Variants in GNE observed in about 807,000 individuals in gnomAD.
The protein encoded by GNE is bifunctional UDP-N-acetylglucosamine 2-epimerase/N-acetylmannosamine kinase.
In GNE, 41 loss-of-function variants were observed where a neutral mutation model predicts 61.8. The observed-to-expected ratio is 0.66, with a 90% CI of 0.52 to 0.86. The LOEUF (loss-of-function observed/expected upper bound fraction) is 0.86. GNE is among the 40% of genes least tolerant of loss of function. The pLI, the probability that GNE is intolerant of heterozygous loss-of-function variation, is 0.00. For missense variants in GNE, 608 were observed against 909.1 expected (o/e 0.67, Z 4.26); for synonymous variants, 264 against 326.4 (o/e 0.81, Z 2.06).
chr9:36,254,243 C>A (rs1830237516), intron 1 of GNE, among the ~76,000 whole-genome samples: 1 of 144,834 alleles, frequency 6.9e-6, no homozygotes, highest in South Asian at 2.2e-4. Context: ...AACAAGAAAT[C>A]TGGCTGGACA....
rs1828280415 is a variant in GNE, at chr9:36,216,327, A to ATGTGTGTGTGCGTGTGTGTGTGTGTG, written c.*1037_*1038insCACACACACACACACGCACACACACA. The ATGTGTGTGTGCGTGTGTGTGTGTGTG allele has an allele frequency of 2.8e-5, 10 of 357,560 alleles. No homozygotes were observed. Among genetic ancestry groups the ATGTGTGTGTGCGTGTGTGTGTGTGTG allele is most frequent in the Non-Finnish European group, 3.5e-5 (6 of 172,490 alleles). 22.1% of individuals were successfully genotyped at this position (357,560 alleles called of 1,614,324 possible). A position where few individuals can be genotyped will look rare whatever the true frequency, so the allele number is the denominator to read the frequency against. On this transcript the variant is annotated 3_prime_UTR_variant, in exon 12 of 12. Coordinates refer to ENST00000642385, the MANE Select transcript of GNE (RefSeq NM_005476.7). ...TTAGTTTGGGGTTAGAGGAGGAAGGATGTGTGTGTGTGTGTGTGTGTGTGT... is the reference window on the plus strand; with the variant it reads ...TTAGTTTGGGGTTAGAGGAGGAAGGATGTGTGTGTGCGTGTGTGTGTGTGTGTGTGTGTGTGTGTGTGTGTGTGTGT...
At chr9:36,273,974 G>A (rs1831144351) in intron 1 of GNE, among the ~76,000 whole-genome samples, 2 of 151,986 alleles carry the variant, frequency 1.3e-5, no homozygotes, top group South Asian at 4.2e-4. Flanking sequence ...CATAATAGCT[G>A]TCTAAATCTT....
At position 36,247,701 on chromosome 9, in the gene GNE, T is replaced by A. The variant is rs188713564; in HGVS notation, c.165-1219A>T. On this transcript the variant is annotated intron_variant, in intron 2 of 11. Transcript: ENST00000642385. ...TAAAATTTCTGTTCTACTGAGAGGA[T>A]GCTCCTAAATAGCCAGAATTCATTT... is the stretch of plus-strand genomic sequence containing the variant. Among the ~76,000 whole-genome samples the A allele has an allele frequency of 5.5e-3, 843 of 152,106 alleles. 9 individuals carry two copies. Among genetic ancestry groups the A allele is most frequent in the African/African-American group, 0.019 (785 of 41,486 alleles).
intron 3 of GNE, among the ~76,000 whole-genome samples, chr9:36,240,634 T>C (rs1349833337): frequency 1.3e-5 from 2 of 152,162 alleles, no homozygotes; most frequent in African/African-American, 4.8e-5. Flanking sequence ...TGTCCTTTCC[T>C]GGTTTTGGTA....
intron 1 of GNE, among the ~76,000 whole-genome samples, chr9:36,272,842 G>A (rs1001133918): frequency 2.7e-5 from 4 of 150,918 alleles, no homozygotes; most frequent in Non-Finnish European, 3.0e-5. Context: ...AGGCCAAGGC[G>A]GGTAGATCAC....
intron 11 of GNE, 48 bp from the exon 12 acceptor site, chr9:36,217,648 C>A: frequency 8.4e-7 from 1 of 1,193,548 alleles, no homozygotes; most frequent in South Asian, 1.3e-5. Flanking sequence ...AAGCCAAAAT[C>A]AAAATACCAA....
intron 3 of GNE, among the ~76,000 whole-genome samples, chr9:36,242,251 A>T (rs1829662281): frequency 6.6e-6 from 1 of 150,784 alleles, no homozygotes; most frequent in African/African-American, 2.4e-5. Context: ...GCTCTGCCTC[A>T]TTGTCTTGAG....
At chr9:36,229,153 T>C (rs757856599) in intron 5 of GNE, 45 bp from the exon 6 acceptor site, 13 of 1,031,002 alleles carry the variant, frequency 1.3e-5, no homozygotes, top group Non-Finnish European at 2.0e-5. Context: ...GAAGTGGGAA[T>C]ATCCAAAGAA....
Position 36,231,081 on chromosome 9 carries a change from A to G in GNE, c.983-1973T>C, listed in dbSNP as rs867987899. Among the ~76,000 whole-genome samples, 426 of 140,938 alleles carry G rather than the reference A, an allele frequency of 3.0e-3. 1 individual carries two copies. Among genetic ancestry groups the G allele is most frequent in the African/African-American group, 9.9e-3 (366 of 37,046 alleles). 92.5% of individuals were successfully genotyped at this position (140,938 alleles called of 152,430 possible). The stretch of plus-strand genomic sequence containing the variant: ...ACTGCTTCACTAAAAAAAAAAAAAA[A>G]AAAGAAAGAAAGAGAGAGAGAGAAA... On this transcript the variant is annotated intron_variant, in intron 5 of 11. Coordinates refer to ENST00000642385, the MANE Select transcript of GNE (RefSeq NM_005476.7).
chr9:36,235,805 G>C (rs1020847996), intron 4 of GNE, among the ~76,000 whole-genome samples: 1 of 152,106 alleles, frequency 6.6e-6, no homozygotes, highest in Non-Finnish European at 1.5e-5. Context: ...GTGATATCTT[G>C]ACATTGCAGA....
chr9:36,257,786 G>A (rs1187238310), intron 1 of GNE, among the ~76,000 whole-genome samples: 14 of 104,204 alleles, frequency 1.3e-4, no homozygotes, highest in Non-Finnish European at 2.1e-4. Flanking sequence ...CTGGGCGACA[G>A]AGCGAGACTC....
At chr9:36,272,481 C>T (rs887070303) in intron 1 of GNE, among the ~76,000 whole-genome samples, 3 of 151,692 alleles carry the variant, frequency 2.0e-5, no homozygotes, top group East Asian at 1.9e-4. Context: ...ATTATCTGGG[C>T]GTGGTGGCGG....
intron 1 of GNE, among the ~76,000 whole-genome samples, chr9:36,256,752 A>G (rs1050632454): frequency 2.0e-5 from 3 of 152,224 alleles, no homozygotes; most frequent in African/African-American, 7.2e-5. Context: ...AGAGGAAACA[A>G]CAGTAAACAT....
chr9:36,275,003 C>A (rs568101013), intron 1 of GNE, among the ~76,000 whole-genome samples: 5 of 152,188 alleles, frequency 3.3e-5, no homozygotes, highest in Admixed American at 1.3e-4. Flanking sequence ...AGATTACAGG[C>A]GCGAGCCACC....
At chr9:36,264,152 A>C (rs1270688920) in intron 1 of GNE, among the ~76,000 whole-genome samples, 3 of 151,676 alleles carry the variant, frequency 2.0e-5, no homozygotes, top group Non-Finnish European at 4.4e-5. Context: ...TTTTTTTTGG[A>C]GACAGAGTCT....
intron 1 of GNE, among the ~76,000 whole-genome samples, chr9:36,250,834 C>T (rs1023944986): frequency 6.6e-6 from 1 of 152,218 alleles, no homozygotes; most frequent in Non-Finnish European, 1.5e-5. Context: ...GTGCCCACCA[C>T]CATGCCCAGC....
chr9:36,235,749 A>G (rs775975990), intron 4 of GNE, among the ~76,000 whole-genome samples: 27 of 152,180 alleles, frequency 1.8e-4, no homozygotes, highest in South Asian at 4.1e-4. Flanking sequence ...AACAGAAAAG[A>G]TTCTTCAAGG....
intron 1 of GNE, chr9:36,265,240 T>C (rs1830736455): frequency 8.0e-6 from 3 of 375,016 alleles, no homozygotes; most frequent in Non-Finnish European, 1.1e-5. Flanking sequence ...CGTCTTCCAA[T>C]AGAGCTATAA....
Position 36,233,980 on chromosome 9 carries a change from C to A in GNE, c.922G>T (p.Val308Phe). The change falls in exon 5 of 12, where the codon GTT becomes TTT. Residue 308 changes from valine (V) to phenylalanine (F), a missense_variant. Transcript: ENST00000642385. ...IGNSSCGVRE[V>F]GAFGTPVINL... ...ATCACAGGTGTTCCAAAAGCTCCAA[C>A]TTCTCGAACCCCACAGCTGCTGTTC... is the stretch of plus-strand genomic sequence containing the variant. The A allele has an allele frequency of 6.2e-7, 1 of 1,614,224 alleles. No homozygotes were observed. The highest frequency in any genetic ancestry group is 8.5e-7 in the Non-Finnish European group (1 of 1,180,030).
Sources: allele counts gnomAD v4.1 joint callset (sites outside exome capture counted in the v4.1 genomes callset), GRCh38; gene constraint gnomAD v4.1.1; transcripts MANE v1.5; gene names NCBI Gene and HGNC (gene_info 2026-07-23, HGNC 2026-07-21).